The following CYP7B1 variants were observed in gnomAD, a reference collection of about 807,000 sequenced individuals.
CYP7B1 encodes cytochrome P450 family 7 subfamily B member 1, also known as cytochrome P450 7B1.
CYP7B1 carries 29 observed loss-of-function variants against 42.7 expected under a neutral mutation model. The ratio of observed to expected loss-of-function variants is 0.68; its 90% CI spans 0.51 to 0.93. The LOEUF (loss-of-function observed/expected upper bound fraction) is 0.93. Ranked by LOEUF, CYP7B1 falls within the 40% of genes least tolerant of loss-of-function variation. The probability of loss-of-function intolerance (pLI) is 0.00; values close to 1 mark genes in which losing one functional copy is unlikely to be tolerated. For synonymous variants in CYP7B1, 235 were observed against 218.2 expected, an observed-to-expected ratio of 1.08 and a Z score of -0.68; for missense variants, 655 against 600.5, an observed-to-expected ratio of 1.09 and a Z score of -0.95.
chr8:64,685,668 G>A lies in CYP7B1; in HGVS notation c.123-61129C>T, dbSNP rs1450522982. On this transcript the variant is annotated intron_variant, in intron 1 of 5. Coordinates refer to ENST00000310193, the MANE Select transcript of CYP7B1 (RefSeq NM_004820.5). The stretch of plus-strand genomic sequence containing the variant: ...GAGAAGTGAGGAGCCCCTCCGCCCC[G>A]CAGCTGCCCCGTCTGAGAAGTGAGG... Among the ~76,000 whole-genome samples the A allele has an allele frequency of 1.2e-4, 5 of 41,468 alleles. 2 individuals are homozygous for A. The highest frequency in any genetic ancestry group is 2.3e-4 in the Non-Finnish European group (4 of 17,550). 27.2% of individuals were successfully genotyped at this position (41,468 alleles called of 152,430 possible). A position where few individuals can be genotyped will look rare whatever the true frequency, so the allele number is the denominator to read the frequency against.
At chr8:64,791,300 T>C (rs1021465158) in intron 1 of CYP7B1, among the ~76,000 whole-genome samples, 1 of 152,208 alleles carries the variant, frequency 6.6e-6, no homozygotes, top group African/African-American at 2.4e-5. Flanking sequence ...GTAGGGAGAA[T>C]AATGGCCCTC....
At chr8:64,749,946 T>C (rs1807703272) in intron 1 of CYP7B1, among the ~76,000 whole-genome samples, 1 of 152,198 alleles carries the variant, frequency 6.6e-6, no homozygotes, top group South Asian at 2.1e-4. Flanking sequence ...ATCTTTTTAT[T>C]GTGTTTACCT....
At chr8:64,766,069 G>C (rs191057656) in intron 1 of CYP7B1, among the ~76,000 whole-genome samples, 83 of 152,298 alleles carry the variant, frequency 5.4e-4, no homozygotes, top group African/African-American at 2.0e-3. Flanking sequence ...ATGATAGGAT[G>C]ACAAAAGAGG....
chr8:64,749,834 G>T (rs531655054), intron 1 of CYP7B1, among the ~76,000 whole-genome samples: 1 of 152,284 alleles, frequency 6.6e-6, no homozygotes, highest in Admixed American at 6.5e-5. Flanking sequence ...GGAAGGGGAA[G>T]GAGAAGAGAA....
chr8:64,604,926 A>G, intron 4 of CYP7B1, 69 bp from the exon 5 acceptor site: 2 of 1,488,276 alleles, frequency 1.3e-6, no homozygotes, highest in Non-Finnish European at 1.8e-6. Context: ...TCAGTTTGCA[A>G]TAAAACTCAT....
At chr8:64,742,044 A>G (rs1807577599) in intron 1 of CYP7B1, among the ~76,000 whole-genome samples, 1 of 152,214 alleles carries the variant, frequency 6.6e-6, no homozygotes, top group Admixed American at 6.5e-5. Flanking sequence ...TACTGATCAG[A>G]TAGATTAACA....
intron 1 of CYP7B1, among the ~76,000 whole-genome samples, chr8:64,722,547 G>C (rs559786237): frequency 1.8e-4 from 28 of 152,080 alleles, no homozygotes; most frequent in Non-Finnish European, 2.8e-4. Context: ...ATTGAAATTA[G>C]TGTGTGTCAA....
At chr8:64,666,639 T>C (rs1585842536) in intron 1 of CYP7B1, among the ~76,000 whole-genome samples, 1 of 152,188 alleles carries the variant, frequency 6.6e-6, no homozygotes, top group East Asian at 1.9e-4. Flanking sequence ...TTATAACTGA[T>C]TTAATGAAGG....
chr8:64,713,296 C>T (rs1807108112), intron 1 of CYP7B1, among the ~76,000 whole-genome samples: 1 of 151,808 alleles, frequency 6.6e-6, no homozygotes, highest in South Asian at 2.1e-4. Flanking sequence ...TCCATCATCC[C>T]AAACCATAAA....
intron 1 of CYP7B1, among the ~76,000 whole-genome samples, chr8:64,668,065 T>C (rs1339558044): frequency 6.6e-6 from 1 of 152,208 alleles, no homozygotes; most frequent in Non-Finnish European, 1.5e-5. Context: ...CCTTTTCTTT[T>C]CTTTTTTCCA....
intron 5 of CYP7B1, among the ~76,000 whole-genome samples, chr8:64,602,996 C>T (rs887458001): frequency 6.6e-5 from 10 of 152,026 alleles, no homozygotes; most frequent in African/African-American, 9.7e-5. Context: ...GAAACAATGG[C>T]GTGACAATAA....
At chr8:64,636,309 A>C (rs1270761221) in intron 1 of CYP7B1, among the ~76,000 whole-genome samples, 1 of 152,152 alleles carries the variant, frequency 6.6e-6, no homozygotes, top group African/African-American at 2.4e-5. Flanking sequence ...GGTCCATTTA[A>C]TTATATTTGC....
intron 4 of CYP7B1, among the ~76,000 whole-genome samples, chr8:64,606,154 G>C (rs1805275807): frequency 6.6e-6 from 1 of 152,186 alleles, no homozygotes; most frequent in Non-Finnish European, 1.5e-5. Context: ...CAGTGAGGCA[G>C]TGCATATTCT....
chr8:64,767,948 C>T lies in CYP7B1; in HGVS notation c.122+30518G>A, dbSNP rs534296771. ...AATCTCAACTGTACAACCCCTACTACGCCCCAGTTCAGCAGGAAGCAGTTA... is the reference window on the plus strand; with the variant it reads ...AATCTCAACTGTACAACCCCTACTATGCCCCAGTTCAGCAGGAAGCAGTTA... On this transcript the variant is annotated intron_variant, in intron 1 of 5. Transcript: ENST00000310193. 3.3e-5 allele frequency among the ~76,000 whole-genome samples: 5 copies of T among 152,270 alleles called. No homozygotes were observed. The South Asian group carries it at 6.2e-4, about 19-fold the overall frequency.
chr8:64,761,221 C>T (rs1007754003), intron 1 of CYP7B1, among the ~76,000 whole-genome samples: 2 of 152,078 alleles, frequency 1.3e-5, no homozygotes, highest in African/African-American at 2.4e-5. Flanking sequence ...TCAAAGGGTA[C>T]AAACATTCAG....
At chr8:64,722,745 G>T (rs1317504265) in intron 1 of CYP7B1, among the ~76,000 whole-genome samples, 4 of 101,720 alleles carry the variant, frequency 3.9e-5, no homozygotes, top group Non-Finnish European at 7.8e-5. Flanking sequence ...TTTTGCGGCG[G>T]GGGGGGGGGG....
At chr8:64,691,705 C>T (rs1382899862) in intron 1 of CYP7B1, among the ~76,000 whole-genome samples, 1 of 152,196 alleles carries the variant, frequency 6.6e-6, no homozygotes, top group Non-Finnish European at 1.5e-5. Flanking sequence ...ACCAGCTCAA[C>T]AGTCATGGAT....
intron 1 of CYP7B1, among the ~76,000 whole-genome samples, chr8:64,639,143 GCTA>G (rs1805817049): frequency 6.6e-6 from 1 of 151,520 alleles, no homozygotes; most frequent in Non-Finnish European, 1.5e-5. Context: ...GAAAACAGAA[GCTA>G]CTGTTAGATT....
chr8:64,613,724 A>G (rs751139355), intron 4 of CYP7B1, among the ~76,000 whole-genome samples: 3 of 152,190 alleles, frequency 2.0e-5, no homozygotes, highest in Admixed American at 6.6e-5. Context: ...TATAAAATTT[A>G]TTTGATAACC....
Sources: allele counts gnomAD v4.1 joint callset (sites outside exome capture counted in the v4.1 genomes callset), GRCh38; gene constraint gnomAD v4.1.1; transcripts MANE v1.5; gene names NCBI Gene and HGNC (gene_info 2026-07-23, HGNC 2026-07-21).